Variants in COMT observed in about 807,000 individuals in gnomAD.
COMT encodes the protein catechol O-methyltransferase.
Under a neutral mutation model 18.9 loss-of-function variants are expected in COMT, and 13 were observed. That is an observed-to-expected ratio of 0.69 (90% CI 0.45 to 1.09). COMT has a LOEUF of 1.09. Ranked by LOEUF, COMT falls within the 50% of genes least tolerant of loss-of-function variation. COMT has a pLI of 0.00. For missense variants in COMT, 329 were observed against 361.8 expected, an observed-to-expected ratio of 0.91 and a Z score of 0.73; for synonymous variants, 150 against 160.9, an observed-to-expected ratio of 0.93 and a Z score of 0.51.
intron 1 of COMT, among the ~76,000 whole-genome samples, chr22:19,956,552 A>G (rs992673927): frequency 6.0e-5 from 9 of 151,004 alleles, no homozygotes; most frequent in African/African-American, 2.2e-4. Flanking sequence ...TAATTTTTGT[A>G]TTTTTAGTAG....
intron 1 of COMT, among the ~76,000 whole-genome samples, chr22:19,957,891 T>C (rs188704143): frequency 2.4e-4 from 36 of 152,356 alleles, no homozygotes; most frequent in Non-Finnish European, 4.9e-4. Flanking sequence ...TTTTAATAAC[T>C]GAATCATACC....
At chr22:19,954,448 GTTTT>G (rs1209088326) in intron 1 of COMT, among the ~76,000 whole-genome samples, 1 of 152,104 alleles carries the variant, frequency 6.6e-6, no homozygotes, top group Non-Finnish European at 1.5e-5. Flanking sequence ...GCAATTGTGC[GTTTT>G]TTGTTTTGTT....
intron 1 of COMT, among the ~76,000 whole-genome samples, chr22:19,960,885 G>A (rs1942177170): frequency 6.6e-6 from 1 of 152,236 alleles, no homozygotes; most frequent in East Asian, 1.9e-4. Flanking sequence ...TGAGCAGAGT[G>A]GTTCCCTCCT....
intron 1 of COMT, among the ~76,000 whole-genome samples, chr22:19,948,016 A>G (rs747583554): frequency 4.6e-5 from 7 of 152,102 alleles, no homozygotes. Context: ...AGCTCTTATC[A>G]CTGTATGGCC....
chr22:19,967,016 C>A, intron 5 of COMT: 2 of 1,199,250 alleles, frequency 1.7e-6, no homozygotes, highest in Non-Finnish European at 2.1e-6. Context: ...TGGTAGGAGG[C>A]TTGCAGTGTC....
intron 1 of COMT, among the ~76,000 whole-genome samples, chr22:19,957,409 C>A (rs1942088601): frequency 6.6e-6 from 1 of 152,146 alleles, no homozygotes; most frequent in African/African-American, 2.4e-5. Context: ...TTGAACAGGA[C>A]CCTGTCTCTA....
chr22:19,968,430 C>A, intron 5 of COMT, 106 bp from the exon 6 acceptor site: 1 of 1,115,330 alleles, frequency 9.0e-7, no homozygotes, highest in African/African-American at 1.5e-5. Context: ...AGGGGCTAGG[C>A]ACAGGCGTGG....
Position 19,963,571 on chromosome 22 carries a change from A to T in COMT, c.295A>T (p.Ile99Phe), listed in dbSNP as rs750428117. ...CCGTCCCCAACCCTGCACAGGCAAG[A>T]TCGTGGACGCCGTGATTCAGGAGCA... ...AMNVGDKKGK[I>F]VDAVIQEHQP... Residue 99 changes from isoleucine to phenylalanine, a missense_variant, in exon 4 of 6, where the codon ATC becomes TTC. Transcript: ENST00000361682. 6.2e-7 allele frequency: 1 copy of T among 1,611,614 alleles called. No homozygotes were observed. The highest frequency in any genetic ancestry group is 2.2e-5 in the East Asian group (1 of 44,858).
At chr22:19,965,668 CAACAAA>C (rs2146179435) in intron 5 of COMT, 1 of 151,986 alleles carries the variant, frequency 6.6e-6, no homozygotes, top group African/African-American at 2.4e-5. Flanking sequence ...CAACAAAAAA[CAACAAA>C]AACTTTTCTG....
intron 5 of COMT, chr22:19,964,845 G>A (rs1008020728): frequency 1.0e-5 from 3 of 291,304 alleles, no homozygotes; most frequent in South Asian, 3.9e-5. Context: ...TGGGGCACTG[G>A]TGGCCCTTCA....
intron 5 of COMT, chr22:19,967,047 G>A: frequency 9.1e-6 from 11 of 1,210,094 alleles, no homozygotes; most frequent in South Asian, 1.5e-5. Context: ...CAGGACAGGT[G>A]CTGCCTTCTT....
intron 1 of COMT, among the ~76,000 whole-genome samples, chr22:19,946,909 AG>A (rs1569124606): frequency 1.0e-5 from 1 of 96,578 alleles, no homozygotes; most frequent in African/African-American, 3.7e-5. Context: ...ATTTTTTTTT[AG>A]TTTTTTTTTT....
intron 1 of COMT, among the ~76,000 whole-genome samples, chr22:19,952,990 AAATAAATAAATAAAT>A (rs1941980888): frequency 3.7e-5 from 2 of 53,642 alleles, no homozygotes; most frequent in African/African-American, 1.2e-4. Context: ...ATAAATAAAT[AAATAAATAAATAAAT>A]AAAATGAAGC....
intron 5 of COMT, chr22:19,967,131 C>T: frequency 7.8e-7 from 1 of 1,286,678 alleles, no homozygotes; most frequent in Non-Finnish European, 1.0e-6. Context: ...CCTTTCTGCC[C>T]TTCCCTCCTT....
intron 1 of COMT, among the ~76,000 whole-genome samples, chr22:19,953,179 G>T (rs1601515238): frequency 6.6e-6 from 1 of 152,162 alleles, no homozygotes; most frequent in Admixed American, 6.5e-5. Flanking sequence ...TGGGGGTGGG[G>T]CTGCCACTCA....
chr22:19,963,702 C>T lies in COMT; in HGVS notation c.426C>T (p.Asn142=), dbSNP rs1285468169. 6.2e-7 allele frequency: 1 copy of T among 1,612,994 alleles called. No homozygotes were observed. Among genetic ancestry groups the T allele is most frequent in the Non-Finnish European group, 8.5e-7 (1 of 1,180,000 alleles). Residue 142 remains asparagine (N), a synonymous_variant, in exon 4 of 6, where the codon AAC becomes AAT. Coordinates refer to ENST00000361682, the MANE Select transcript of COMT (RefSeq NM_000754.4). ...CGAGGCTCATCACCATCGAGATCAACCCCGACTGTGCCGCCATCACCCAGC... is the reference window on the plus strand; with the variant it reads ...CGAGGCTCATCACCATCGAGATCAATCCCGACTGTGCCGCCATCACCCAGC... ...PGARLITIEI[N]PDCAAITQRM...
intron 5 of COMT, chr22:19,966,964 G>A (rs1361195811): frequency 5.1e-6 from 5 of 985,278 alleles, no homozygotes; most frequent in Non-Finnish European, 6.0e-6. Context: ...CTGCTCAGAC[G>A]CTGATGCATG....
intron 5 of COMT, chr22:19,964,788 G>A (rs933659617): frequency 5.5e-6 from 2 of 364,174 alleles, no homozygotes; most frequent in African/African-American, 2.1e-5. Context: ...AGTGCCCCGA[G>A]TGAGGCTAGA....
intron 1 of COMT, among the ~76,000 whole-genome samples, chr22:19,955,419 C>T (rs1754160681): frequency 6.6e-6 from 1 of 152,226 alleles, no homozygotes; most frequent in Admixed American, 6.5e-5. Context: ...TACTGGATCG[C>T]AGTCGAATCC....
Sources: gnomAD v4.1 joint callset for allele counts (sites outside exome capture counted in the v4.1 genomes callset) on GRCh38, gnomAD v4.1.1 for gene constraint, MANE v1.5 for transcripts, NCBI Gene and HGNC (gene_info 2026-07-23, HGNC 2026-07-21) for gene names.